RNF130: variants seen among roughly 807,000 people sequenced by gnomAD.
RNF130 encodes the protein E3 ubiquitin-protein ligase RNF130.
Under a neutral mutation model 44.6 loss-of-function variants are expected in RNF130, and 21 were observed. The ratio of observed to expected loss-of-function variants is 0.47; its 90% confidence interval spans 0.33 to 0.68. The LOEUF (loss-of-function observed/expected upper bound fraction) is 0.68, where lower values mean the gene tolerates loss of function less well. Among genes scored for constraint, RNF130 ranks in the 30% least tolerant of loss-of-function variants. RNF130 has a pLI of 0.02. For synonymous variants in RNF130, 214 were observed against 210.4 expected, an observed-to-expected ratio of 1.02 and a Z score of -0.15; for missense variants, 479 against 560.6, an observed-to-expected ratio of 0.85 and a Z score of 1.47.
intron 3 of RNF130, among the ~76,000 whole-genome samples, chr5:180,010,024 G>C (rs1321537803): frequency 6.6e-6 from 1 of 152,066 alleles, no homozygotes; most frequent in Non-Finnish European, 1.5e-5. Context: ...GAGGTGGGCG[G>C]ATCACAAGGT....
intron 7 of RNF130, among the ~76,000 whole-genome samples, chr5:179,929,962 C>A (rs1181164369): frequency 6.6e-6 from 1 of 152,178 alleles, no homozygotes; most frequent in African/African-American, 2.4e-5. Flanking sequence ...GTATAAAAGC[C>A]TTGCGTATCT....
chr5:179,959,454 C>T (rs1033110026), intron 8 of RNF130, among the ~76,000 whole-genome samples: 1 of 151,868 alleles, frequency 6.6e-6, no homozygotes, highest in African/African-American at 2.4e-5. Context: ...AGTGAAACCC[C>T]ATCTCTACTA....
At chr5:179,994,689 A>C (rs1304176961) in intron 3 of RNF130, among the ~76,000 whole-genome samples, 2 of 152,126 alleles carry the variant, frequency 1.3e-5, no homozygotes, top group Non-Finnish European at 2.9e-5. Flanking sequence ...ACCTCCTGAG[A>C]AGCTGGGGTG....
intron 7 of RNF130, among the ~76,000 whole-genome samples, chr5:179,938,103 C>T (rs1040786094): frequency 2.6e-5 from 4 of 151,958 alleles, no homozygotes; most frequent in Non-Finnish European, 4.4e-5. Flanking sequence ...ACTACAGGTA[C>T]GCGGCACCAC....
At chr5:180,042,184 G>A (rs1764435227) in intron 1 of RNF130, among the ~76,000 whole-genome samples, 1 of 152,190 alleles carries the variant, frequency 6.6e-6, no homozygotes, top group Admixed American at 6.5e-5. Context: ...ATTGTAAAAT[G>A]TAAAGATGCC....
At chr5:180,049,270 T>G (rs1764637464) in intron 1 of RNF130, among the ~76,000 whole-genome samples, 1 of 152,156 alleles carries the variant, frequency 6.6e-6, no homozygotes, top group African/African-American at 2.4e-5. Flanking sequence ...ATGAGCTATT[T>G]GGGAGTGGAG....
At chr5:179,993,195 G>T (rs1763129430) in intron 3 of RNF130, among the ~76,000 whole-genome samples, 1 of 152,228 alleles carries the variant, frequency 6.6e-6, no homozygotes, top group South Asian at 2.1e-4. Context: ...ACGTGTGCAT[G>T]TGTCTTTATA....
At chr5:179,967,069 T>C in intron 6 of RNF130, 59 bp from the exon 7 acceptor site, 1 of 1,481,948 alleles carries the variant, frequency 6.7e-7, no homozygotes, top group Non-Finnish European at 9.3e-7. Context: ...TTCATAAGAT[T>C]CTAAAAAAGA....
intron 3 of RNF130, among the ~76,000 whole-genome samples, chr5:179,997,452 T>A (rs1360165205): frequency 6.6e-6 from 1 of 152,082 alleles, no homozygotes; most frequent in Non-Finnish European, 1.5e-5. Context: ...GCCTCCCGAG[T>A]AGCTGGGACT....
At position 180,051,375 on chromosome 5, in the gene RNF130, G is replaced by A. The variant is rs1184922100; in HGVS notation, c.248-10728C>T. Among the ~76,000 whole-genome samples the A allele has an allele frequency of 2.0e-5, 3 of 151,816 alleles. No individual in the cohort carries two copies. In the East Asian group the frequency reaches 5.8e-4, roughly 30 times the overall value. On this transcript the variant is annotated intron_variant, in intron 1 of 8. Coordinates refer to ENST00000521389, the MANE Select transcript of RNF130 (RefSeq NM_018434.6). ...CGCCATTCTCCTGCCTCAGCCTCCC[G>A]AGTAGCTGGGACTACAGGTGCCCGC...
At chr5:179,976,467 G>A (rs923525902) in intron 5 of RNF130, among the ~76,000 whole-genome samples, 5 of 152,138 alleles carry the variant, frequency 3.3e-5, no homozygotes, top group African/African-American at 1.2e-4. Flanking sequence ...CCTGTGTCCC[G>A]CTGGCCCTTC....
At chr5:180,008,128 GTGC>G (rs1343487194) in intron 3 of RNF130, among the ~76,000 whole-genome samples, 1 of 151,388 alleles carries the variant, frequency 6.6e-6, no homozygotes, top group Non-Finnish European at 1.5e-5. Context: ...TCCTGACAAT[GTGC>G]TGCAGAAGCC....
At chr5:180,038,247 GTC>G (rs10577251) in intron 2 of RNF130, among the ~76,000 whole-genome samples, 17,653 of 151,658 alleles carry the variant, frequency 0.12, 1,183 homozygotes, top group East Asian at 0.27. Flanking sequence ...TAGAGATGGG[GTC>G]TCCCTATGTT....
chr5:179,983,669 T>A (rs1246052695), intron 3 of RNF130, among the ~76,000 whole-genome samples: 2 of 152,206 alleles, frequency 1.3e-5, no homozygotes, highest in African/African-American at 4.8e-5. Context: ...TCCATCTCTA[T>A]GATAAAAGAC....
At chr5:180,018,223 T>A (rs768930895) in intron 2 of RNF130, among the ~76,000 whole-genome samples, 154 of 148,168 alleles carry the variant, frequency 1.0e-3, no homozygotes, top group Non-Finnish European at 1.6e-3. Flanking sequence ...TGAACAAGGG[T>A]GGTGGAGGTT....
intron 7 of RNF130, among the ~76,000 whole-genome samples, chr5:179,932,680 A>G (rs369641294): frequency 2.0e-5 from 3 of 152,126 alleles, no homozygotes; most frequent in African/African-American, 7.2e-5. Context: ...TCTACTAAAA[A>G]TACAAAAATT....
At chr5:180,060,525 G>A (rs1301808335) in intron 1 of RNF130, among the ~76,000 whole-genome samples, 1 of 152,150 alleles carries the variant, frequency 6.6e-6, no homozygotes, top group African/African-American at 2.4e-5. Context: ...CTGATTAATG[G>A]AATAACGCCC....
At chr5:179,983,975 C>G (rs1046205510) in intron 3 of RNF130, among the ~76,000 whole-genome samples, 3 of 152,192 alleles carry the variant, frequency 2.0e-5, no homozygotes, top group Non-Finnish European at 4.4e-5. Context: ...ACTCAAACTC[C>G]TGGGTTCAAA....
intron 6 of RNF130, among the ~76,000 whole-genome samples, chr5:179,967,810 G>T (rs57000847): frequency 0.033 from 5,069 of 152,260 alleles, 304 homozygotes; most frequent in African/African-American, 0.11. Context: ...CTGGGCAAAA[G>T]AACTGTTTCA....
Sources: gnomAD v4.1 joint callset for allele counts (sites outside exome capture counted in the v4.1 genomes callset) on GRCh38, gnomAD v4.1.1 for gene constraint, MANE v1.5 for transcripts, NCBI Gene and HGNC (gene_info 2026-07-23, HGNC 2026-07-21) for gene names.